NYAP2: variants seen among roughly 807,000 people sequenced by gnomAD.
The protein encoded by NYAP2 is neuronal tyrosine-phosphorylated phosphoinositide-3-kinase adapter 2.
NYAP2 carries 23 observed loss-of-function variants against 50.4 expected under a neutral mutation model. The ratio of observed to expected loss-of-function variants is 0.46; its 90% confidence interval spans 0.33 to 0.65. The LOEUF is 0.65. Ranked by LOEUF, NYAP2 falls within the 30% of genes least tolerant of loss-of-function variation. NYAP2 has a pLI of 0.02. For missense variants in NYAP2, 885 were observed against 861.0 expected (o/e 1.03, Z -0.35); for synonymous variants, 394 against 365.2 (o/e 1.08, Z -0.90).
intron 3 of NYAP2, among the ~76,000 whole-genome samples, chr2:225,468,269 G>C (rs1338037677): frequency 6.6e-6 from 1 of 152,194 alleles, no homozygotes; most frequent in East Asian, 1.9e-4. Context: ...GACACGAAGA[G>C]GAAAAACAGC....
intron 6 of NYAP2, among the ~76,000 whole-genome samples, chr2:225,645,114 C>A (rs1031708423): frequency 6.6e-6 from 1 of 151,858 alleles, no homozygotes; most frequent in Non-Finnish European, 1.5e-5. Context: ...ACAGGTTAGC[C>A]GTCCATGGTG....
the NYAP2 span, chr2:225,701,148 T>C: frequency 6.6e-6 from 1 of 151,872 alleles, no homozygotes; most frequent in Non-Finnish European, 1.5e-5. Flanking sequence ...AATCATTCCA[T>C]GATCAATTTC....
downstream of NYAP2, among the ~76,000 whole-genome samples, chr2:225,657,624 A>T (rs1391991013): frequency 6.6e-6 from 1 of 152,098 alleles, no homozygotes; most frequent in Non-Finnish European, 1.5e-5. Context: ...AAGGAAAGTA[A>T]AAACAAAAAC....
intron 4 of NYAP2, among the ~76,000 whole-genome samples, chr2:225,523,162 G>A (rs946856266): frequency 6.6e-6 from 1 of 151,958 alleles, no homozygotes; most frequent in Non-Finnish European, 1.5e-5. Context: ...GTGCAGATCT[G>A]TGACACTTAT....
intron 3 of NYAP2, among the ~76,000 whole-genome samples, chr2:225,419,389 T>G (rs2106125753): frequency 6.6e-6 from 1 of 152,338 alleles, no homozygotes; most frequent in Middle Eastern, 3.4e-3. Context: ...CTTGGGTATT[T>G]CAATAAACCT....
the NYAP2 span, among the ~76,000 whole-genome samples, chr2:225,691,655 C>A: frequency 1.3e-5 from 2 of 152,094 alleles, no homozygotes; most frequent in African/African-American, 4.8e-5. Context: ...CCCTGGCCGA[C>A]CTCATGACTC....
intron 3 of NYAP2, among the ~76,000 whole-genome samples, chr2:225,460,730 T>C (rs962459085): frequency 6.6e-6 from 1 of 152,196 alleles, no homozygotes; most frequent in African/African-American, 2.4e-5. Context: ...AGGATGAACA[T>C]GTTACTCCTG....
chr2:225,471,968 G>A (rs1203468014), intron 3 of NYAP2, among the ~76,000 whole-genome samples: 6 of 139,392 alleles, frequency 4.3e-5, no homozygotes, highest in Admixed American at 1.4e-4. Flanking sequence ...ACTGTTTAAT[G>A]AGTACTTATT....
intron 3 of NYAP2, among the ~76,000 whole-genome samples, chr2:225,469,780 C>T (rs531396380): frequency 1.2e-3 from 185 of 152,010 alleles, no homozygotes; most frequent in Non-Finnish European, 2.4e-3. Context: ...TGTTCTCACT[C>T]ATAAATTGGA....
At chr2:225,689,754 T>G in the NYAP2 span, among the ~76,000 whole-genome samples, 336 of 152,020 alleles carry the variant, frequency 2.2e-3, no homozygotes, top group Non-Finnish European at 3.7e-3. Flanking sequence ...ATCAGTAGAT[T>G]AGAGTTAAAG....
At chr2:225,414,609 A>G (rs1275954137) in intron 3 of NYAP2, among the ~76,000 whole-genome samples, 1 of 152,110 alleles carries the variant, frequency 6.6e-6, no homozygotes, top group Non-Finnish European at 1.5e-5. Context: ...GAAGAAGGCA[A>G]GTGACCAACG....
At chr2:225,540,335 C>A (rs994338376) in intron 4 of NYAP2, among the ~76,000 whole-genome samples, 18 of 152,186 alleles carry the variant, frequency 1.2e-4, no homozygotes, top group African/African-American at 4.1e-4. Context: ...TGAGACTGGG[C>A]AATTTATAAA....
At chr2:225,651,202 CA>C (rs1366870934) in intron 6 of NYAP2, among the ~76,000 whole-genome samples, 2 of 152,234 alleles carry the variant, frequency 1.3e-5, no homozygotes, top group Non-Finnish European at 2.9e-5. Context: ...TGCAAAGGCA[CA>C]AGGCCTGTGC....
chr2:225,449,213 A>T (rs1689610342), intron 3 of NYAP2, among the ~76,000 whole-genome samples: 1 of 152,214 alleles, frequency 6.6e-6, no homozygotes, highest in South Asian at 2.1e-4. Flanking sequence ...GTGTTCACTC[A>T]CTAGGAGTCA....
intron 4 of NYAP2, among the ~76,000 whole-genome samples, chr2:225,521,587 C>G (rs1049708520): frequency 2.0e-5 from 3 of 151,890 alleles, no homozygotes; most frequent in African/African-American, 7.3e-5. Context: ...TATTGATTTG[C>G]GTATATTGAA....
At chr2:225,404,318 A>G (rs1056782914) in intron 2 of NYAP2, among the ~76,000 whole-genome samples, 2 of 151,908 alleles carry the variant, frequency 1.3e-5, no homozygotes, top group Admixed American at 1.3e-4. Context: ...ATAGAAAAAG[A>G]AAAAACGAGT....
At chr2:225,687,119 T>C in the NYAP2 span, among the ~76,000 whole-genome samples, 2 of 152,182 alleles carry the variant, frequency 1.3e-5, no homozygotes, top group Non-Finnish European at 2.9e-5. Flanking sequence ...TATTTAGTCT[T>C]GAATTGCAAT....
chr2:225,522,765 T>C (rs1215527438), intron 4 of NYAP2, among the ~76,000 whole-genome samples: 2 of 152,146 alleles, frequency 1.3e-5, no homozygotes, highest in Non-Finnish European at 1.5e-5. Flanking sequence ...ATCCAGGTCA[T>C]AGAGCCAGCA....
At chr2:225,420,491 T>C (rs1231918576) in intron 3 of NYAP2, among the ~76,000 whole-genome samples, 2 of 152,208 alleles carry the variant, frequency 1.3e-5, no homozygotes, top group Non-Finnish European at 1.5e-5. Flanking sequence ...GGGTAAATGC[T>C]ACTGACAGGT....
Sources: allele counts gnomAD v4.1 joint callset (sites outside exome capture counted in the v4.1 genomes callset), GRCh38; gene constraint gnomAD v4.1.1; transcripts MANE v1.5; gene names NCBI Gene and HGNC (gene_info 2026-07-23, HGNC 2026-07-21).